The following PCDHGB6 variants were observed in gnomAD, a reference collection of about 807,000 sequenced individuals.
PCDHGB6 encodes the protein protocadherin gamma-B6.
PCDHGB6 carries 51 observed loss-of-function variants against 59.1 expected under a neutral mutation model. That is an observed-to-expected ratio of 0.86 (90% CI 0.69 to 1.09). The LOEUF (loss-of-function observed/expected upper bound fraction) is 1.09. Among genes scored for constraint, PCDHGB6 ranks in the 50% least tolerant of loss-of-function variants. The pLI is 0.00. For missense variants in PCDHGB6, 1,148 were observed against 1,205.1 expected, an observed-to-expected ratio of 0.95 and a Z score of 0.70; for synonymous variants, 466 against 495.1, an observed-to-expected ratio of 0.94 and a Z score of 0.78.
intron 1 of PCDHGB6, chr5:141,423,757 G>A: frequency 5.1e-6 from 2 of 395,134 alleles, no homozygotes; most frequent in Non-Finnish European, 7.1e-6. Flanking sequence ...GTTTGGGGGG[G>A]GGGTGGGGCG....
At chr5:141,460,981 GTGTA>G (rs1315974712) in intron 1 of PCDHGB6, among the ~76,000 whole-genome samples, 3 of 121,894 alleles carry the variant, frequency 2.5e-5, no homozygotes, top group Non-Finnish European at 5.1e-5. Context: ...GTGTGTGTGT[GTGTA>G]TATATATATA....
At chr5:141,468,837 G>T in intron 1 of PCDHGB6, among the ~76,000 whole-genome samples, 1 of 152,108 alleles carries the variant, frequency 6.6e-6, no homozygotes, top group South Asian at 2.1e-4. Flanking sequence ...CTGCACTCCA[G>T]CCTGGGCAAC....
rs373516334 is a variant in PCDHGB6 at position 141,414,175 on chromosome 5, A to G, written c.2418+3555A>G. On this transcript the variant is annotated intron_variant, in intron 1 of 3. Transcript: ENST00000520790. ...AGAAGATGGAGGAGCATATCTTGCA[A>G]CTGCAAAAGTGTTGATTACAGTAGA... 1.6e-5 allele frequency: 25 copies of G among 1,607,698 alleles called. No homozygotes were observed. The highest frequency in any genetic ancestry group is 1.3e-4 in the South Asian group (12 of 90,242).
intron 1 of PCDHGB6, chr5:141,418,421 G>A (rs776535087): frequency 2.5e-6 from 4 of 1,613,966 alleles, no homozygotes; most frequent in Non-Finnish European, 3.4e-6. Flanking sequence ...CAATCCTGAT[G>A]GTGGCAAATA....
intron 1 of PCDHGB6, among the ~76,000 whole-genome samples, chr5:141,469,821 G>A (rs2099212107): frequency 6.6e-6 from 1 of 152,028 alleles, no homozygotes; most frequent in Admixed American, 6.6e-5. Flanking sequence ...TAGAATGGAG[G>A]TCACATAAAA....
At chr5:141,465,504 G>T (rs2099104593) in intron 1 of PCDHGB6, among the ~76,000 whole-genome samples, 2 of 152,152 alleles carry the variant, frequency 1.3e-5, no homozygotes. Context: ...GCATTGTCGT[G>T]GTCAGGAAGG....
intron 1 of PCDHGB6, chr5:141,414,197 T>C: frequency 3.1e-6 from 5 of 1,611,210 alleles, no homozygotes; most frequent in Non-Finnish European, 4.2e-6. Flanking sequence ...TTGATTACAG[T>C]AGAAGATGTA....
intron 1 of PCDHGB6, among the ~76,000 whole-genome samples, chr5:141,467,361 G>A (rs555435172): frequency 1.3e-5 from 2 of 151,860 alleles, no homozygotes; most frequent in South Asian, 4.2e-4. Context: ...CCAAATCAAC[G>A]TTTTCTTATA....
chr5:141,469,284 A>G lies in PCDHGB6; in HGVS notation c.2419-25523A>G, dbSNP rs192391622. On this transcript the variant is annotated intron_variant, in intron 1 of 3. Transcript: ENST00000520790. ...AGAGCAAGACCCCATCTCAAAAAAT[A>G]AAACAAAATAGACTGGGCACGATGG... Among the ~76,000 whole-genome samples, 595 of 152,012 alleles carry G rather than the reference A, an allele frequency of 3.9e-3. 6 individuals are homozygous for G. The highest frequency in any genetic ancestry group is 0.011 in the Admixed American group (171 of 15,260).
chr5:141,507,206 G>A (rs1392293998), intron 3 of PCDHGB6: 2 of 152,376 alleles, frequency 1.3e-5, no homozygotes, highest in African/African-American at 4.8e-5. Flanking sequence ...CCAGATCAGG[G>A]TTGCCAGATA....
At chr5:141,414,059 A>C (rs1008514691) in intron 1 of PCDHGB6, 1 of 1,609,440 alleles carries the variant, frequency 6.2e-7, no homozygotes, top group East Asian at 2.2e-5. Flanking sequence ...CAATTGTTGA[A>C]GTTCCAACTA....
chr5:141,433,379 CTAT>C (rs2097594474), intron 1 of PCDHGB6, among the ~76,000 whole-genome samples: 1 of 151,230 alleles, frequency 6.6e-6, no homozygotes, highest in Non-Finnish European at 1.5e-5. Context: ...ATCTATCTAT[CTAT>C]CTATCTATCT....
chr5:141,434,724 C>T (rs2097712360), intron 1 of PCDHGB6, among the ~76,000 whole-genome samples: 2 of 151,800 alleles, frequency 1.3e-5, no homozygotes, highest in Admixed American at 1.3e-4. Flanking sequence ...GTTCAGGGCT[C>T]TCAGCTCTGA....
chr5:141,451,565 C>A (rs1336048717), intron 1 of PCDHGB6, among the ~76,000 whole-genome samples: 2 of 152,062 alleles, frequency 1.3e-5, no homozygotes, highest in South Asian at 2.1e-4. Flanking sequence ...AAGCCACAAT[C>A]TTTTTATAAA....
chr5:141,498,976 G>A (rs1311505059), intron 2 of PCDHGB6, among the ~76,000 whole-genome samples: 1 of 13,010 alleles, frequency 7.7e-5, no homozygotes, highest in Non-Finnish European at 2.3e-4. Context: ...AGGGAGGGAA[G>A]GAAGGAAGGA....
chr5:141,492,206 G>A (rs1180294159), intron 1 of PCDHGB6, among the ~76,000 whole-genome samples: 2 of 152,204 alleles, frequency 1.3e-5, no homozygotes, highest in Non-Finnish European at 2.9e-5. Context: ...TTAGGTGTGC[G>A]CGCGGGGCTC....
intron 1 of PCDHGB6, chr5:141,421,168 A>G: frequency 1.5e-6 from 2 of 1,331,612 alleles, no homozygotes; most frequent in South Asian, 1.5e-5. Context: ...TCATAGATAC[A>G]TAAGCCGATT....
chr5:141,439,066 G>A (rs1004595196), intron 1 of PCDHGB6, among the ~76,000 whole-genome samples: 2 of 151,258 alleles, frequency 1.3e-5, no homozygotes, highest in African/African-American at 2.4e-5. Context: ...TGTGGCAGGC[G>A]CCTGTAATCC....
chr5:141,478,352 G>T lies in PCDHGB6; in HGVS notation c.2419-16455G>T, dbSNP rs767743120. 36 of 1,613,674 alleles carry T rather than the reference G, an allele frequency of 2.2e-5. No homozygotes were observed. Among genetic ancestry groups the T allele is most frequent in the Non-Finnish European group, 3.1e-5 (36 of 1,180,016 alleles). On this transcript the variant is annotated intron_variant, in intron 1 of 3. Transcript: ENST00000520790. ...ACCAGGGCCCTCCTTGCACGCGGACGCCGTGCGGGGAGGCCTGATGTCGCC... is the reference window on the plus strand; with the variant it reads ...ACCAGGGCCCTCCTTGCACGCGGACTCCGTGCGGGGAGGCCTGATGTCGCC...
Sources: allele counts gnomAD v4.1 joint callset (sites outside exome capture counted in the v4.1 genomes callset), GRCh38; gene constraint gnomAD v4.1.1; transcripts MANE v1.5; gene names NCBI Gene and HGNC (gene_info 2026-07-23, HGNC 2026-07-21).